Variants in ALMS1 observed in about 807,000 individuals in gnomAD.
ALMS1 encodes the protein centrosome-associated protein ALMS1.
ALMS1 carries 271 observed loss-of-function variants against 352.2 expected under a neutral mutation model. The ratio of observed to expected loss-of-function variants is 0.77; its 90% CI spans 0.70 to 0.85. The LOEUF (loss-of-function observed/expected upper bound fraction) is 0.85, where lower values mean the gene tolerates loss of function less well. Among genes scored for constraint, ALMS1 ranks in the 40% least tolerant of loss-of-function variants. The pLI, the probability that ALMS1 is intolerant of heterozygous loss-of-function variation, is 0.00. For missense variants in ALMS1, 5,445 were observed against 4,870.7 expected (o/e 1.12, Z -3.51); for synonymous variants, 1,865 against 1,761.2 (o/e 1.06, Z -1.48).
chr2:73,440,423 G>A (rs1261570829), intron 7 of ALMS1, among the ~76,000 whole-genome samples: 1 of 151,902 alleles, frequency 6.6e-6, no homozygotes, highest in Non-Finnish European at 1.5e-5. Flanking sequence ...TCATTTGATC[G>A]TCTTCTCCCT....
intron 1 of ALMS1, among the ~76,000 whole-genome samples, chr2:73,399,671 T>A (rs536874668): frequency 6.6e-6 from 1 of 152,088 alleles, no homozygotes; most frequent in East Asian, 1.9e-4. Context: ...AATATGAGAT[T>A]TGAAAGGGAC....
chr2:73,539,280 G>T (rs1674106396), intron 12 of ALMS1, among the ~76,000 whole-genome samples: 1 of 152,142 alleles, frequency 6.6e-6, no homozygotes, highest in African/African-American at 2.4e-5. Context: ...ATAGGGTCTG[G>T]AGTGGACCTC....
intron 2 of ALMS1, among the ~76,000 whole-genome samples, chr2:73,416,513 ATGAATTTTAAATATTAGAAATGTC>A (rs1166777995): frequency 6.6e-6 from 1 of 152,208 alleles, no homozygotes; most frequent in Non-Finnish European, 1.5e-5. Flanking sequence ...CATTTTGTTA[ATGAATTTTAAATATTAGAAATGTC>A]TCTTCAAAGA....
In ALMS1 at chr2:73,572,924, G is replaced by T. The variant is rs759688621; in HGVS notation, c.11047G>T (p.Glu3683Ter). ...GAAAAAGAAGCGGTTTAAAAGCCTA[G>T]AGAAAAGCCATAAAAATACAGGCGA... Reference protein sequence around the residue: ...LQKKKRFKSLEKSHKNTGELK... With the variant: ...LQKKKRFKSL Residue 3683 changes from glutamate (E) to a stop codon, truncating the protein, a stop_gained, in exon 16 of 23, where the codon GAG becomes TAG. Coordinates refer to ENST00000613296, the MANE Select transcript of ALMS1 (RefSeq NM_001378454.1). LOFTEE classifies it high-confidence loss of function. The T allele has an allele frequency of 6.2e-7, 1 of 1,614,060 alleles. No homozygotes were observed. Among genetic ancestry groups the T allele is most frequent in the Non-Finnish European group, 8.5e-7 (1 of 1,179,990 alleles).
At chr2:73,512,336 G>A (rs1408444956) in intron 10 of ALMS1, among the ~76,000 whole-genome samples, 1 of 151,700 alleles carries the variant, frequency 6.6e-6, no homozygotes, top group African/African-American at 2.4e-5. Flanking sequence ...GCCCACCTTG[G>A]CCTCCCAAAG....
At chr2:73,576,623 T>C (rs918475035) in intron 16 of ALMS1, among the ~76,000 whole-genome samples, 48 of 124,348 alleles carry the variant, frequency 3.9e-4, no homozygotes, top group Non-Finnish European at 6.3e-4. Context: ...TTTTTCTTTT[T>C]CTTTTTTTTT....
chr2:73,582,986 A>T (rs577303221), intron 16 of ALMS1, among the ~76,000 whole-genome samples: 2 of 151,618 alleles, frequency 1.3e-5, no homozygotes, highest in Admixed American at 6.6e-5. Flanking sequence ...CCATTTTGCA[A>T]TGCCACCAAC....
intron 9 of ALMS1, among the ~76,000 whole-genome samples, chr2:73,455,740 A>G (rs1357272086): frequency 6.6e-6 from 1 of 152,224 alleles, no homozygotes; most frequent in African/African-American, 2.4e-5. Context: ...TATAAGTATT[A>G]GATTCTTACA....
chr2:73,601,259 C>A lies in ALMS1; in HGVS notation c.11937C>A (p.Asn3979Lys). ...ESRSKKENVP[N>K]TCGPGISWFE... The stretch of plus-strand genomic sequence containing the variant: ...GATCAAAGAAGGAAAACGTGCCTAA[C>A]ACTTGTGGCCCTGGCATCTCCTGGT... The change falls in exon 19 of 23, where the codon AAC becomes AAA. Residue 3979 changes from asparagine to lysine, a missense_variant. Physicochemically the swap from Asn to Lys is moderately conservative, Grantham distance 94 (BLOSUM62 0). Coordinates refer to ENST00000613296, the MANE Select transcript of ALMS1 (RefSeq NM_001378454.1). 1 of 1,614,238 alleles carries A rather than the reference C, an allele frequency of 6.2e-7. No homozygotes were observed. The highest frequency in any genetic ancestry group is 8.5e-7 in the Non-Finnish European group (1 of 1,180,036).
chr2:73,453,749 A>T lies in ALMS1; in HGVS notation c.7222A>T (p.Met2408Leu), dbSNP rs1445045410. The change falls in exon 8 of 23, where the codon ATG becomes TTG. Residue 2408 changes from methionine (M) to leucine (L), a missense_variant. Met to Leu is a conservative substitution (Grantham distance 15). Coordinates refer to ENST00000613296, the MANE Select transcript of ALMS1 (RefSeq NM_001378454.1). ...TGGGAATAAAATTATTATCCCTATGATGACTGTCATAAAAAGTGATTCAAG... is the reference window on the plus strand; with the variant it reads ...TGGGAATAAAATTATTATCCCTATGTTGACTGTCATAAAAAGTGATTCAAG... ...TIGNKIIIPM[M>L]TVIKSDSSSD... 3 of 1,614,136 alleles carry T rather than the reference A, an allele frequency of 1.9e-6. No homozygotes were observed. The highest frequency in any genetic ancestry group is 2.5e-6 in the Non-Finnish European group (3 of 1,180,000).
chr2:73,545,207 G>A (rs1573009473), intron 12 of ALMS1, among the ~76,000 whole-genome samples: 1 of 146,908 alleles, frequency 6.8e-6, no homozygotes, highest in African/African-American at 2.5e-5. Context: ...TTGAAACAGA[G>A]TCTTGCTTTG....
chr2:73,422,696 CAAT>C, intron 3 of ALMS1, among the ~76,000 whole-genome samples, 158 bp from the exon 4 acceptor site: 1 of 152,252 alleles, frequency 6.6e-6, no homozygotes, highest in Non-Finnish European at 1.5e-5. Flanking sequence ...GTCAGACTCT[CAAT>C]AAATGGTAGC....
chr2:73,543,820 A>G (rs866028429), intron 12 of ALMS1, among the ~76,000 whole-genome samples: 2 of 152,230 alleles, frequency 1.3e-5, no homozygotes, highest in African/African-American at 4.8e-5. Context: ...ATGAGATACC[A>G]TCTTACACCA....
chr2:73,582,536 C>T (rs571076722), intron 16 of ALMS1, among the ~76,000 whole-genome samples: 2 of 152,300 alleles, frequency 1.3e-5, no homozygotes, highest in South Asian at 2.1e-4. Flanking sequence ...CCCTTGTCCC[C>T]GTCCCCCAGC....
chr2:73,448,168 AAC>A lies in ALMS1; in HGVS notation c.1642_1643del (p.Thr548Ter). ...AAAAGACATTAGCAGATACTCATCT[AAC>A]TGAAGAGACTCTGAAAGTCACAGCT... Reference protein sequence around the residue: ...NQKTLADTHLTEETLKVTAIP... With the variant: ...NQKTLADTHLXEETLKVTAIP... On this transcript the variant is annotated frameshift_variant, in exon 8 of 23. Coordinates refer to ENST00000613296, the MANE Select transcript of ALMS1 (RefSeq NM_001378454.1). LOFTEE classifies it high-confidence loss of function. 6.2e-7 allele frequency: 1 copy of A among 1,614,064 alleles called. No individual in the cohort carries two copies. Among genetic ancestry groups the A allele is most frequent in the Non-Finnish European group, 8.5e-7 (1 of 1,179,944 alleles).
chr2:73,455,968 G>A (rs1341346515), intron 9 of ALMS1, among the ~76,000 whole-genome samples: 1 of 151,930 alleles, frequency 6.6e-6, no homozygotes. Context: ...AATAGCTTAT[G>A]TATAAATGGC....
intron 11 of ALMS1, among the ~76,000 whole-genome samples, chr2:73,527,443 T>G (rs1673816334): frequency 6.6e-6 from 1 of 152,088 alleles, no homozygotes; most frequent in South Asian, 2.1e-4. Flanking sequence ...AACTTTTACC[T>G]TGTTGCTTGT....
chr2:73,497,294 A>G (rs968726879), intron 10 of ALMS1, among the ~76,000 whole-genome samples: 1 of 151,462 alleles, frequency 6.6e-6, no homozygotes, highest in Non-Finnish European at 1.5e-5. Flanking sequence ...TCTTTTTTTT[A>G]ATTTTTAAAT....
intron 12 of ALMS1, among the ~76,000 whole-genome samples, chr2:73,538,031 A>G (rs1480926341): frequency 6.6e-6 from 1 of 152,160 alleles, no homozygotes; most frequent in Non-Finnish European, 1.5e-5. Flanking sequence ...AAAAAAACAA[A>G]GGCAACAAAA....
Sources: allele counts gnomAD v4.1 joint callset (sites outside exome capture counted in the v4.1 genomes callset), GRCh38; gene constraint gnomAD v4.1.1; transcripts MANE v1.5; gene names NCBI Gene and HGNC (gene_info 2026-07-23, HGNC 2026-07-21).